Variants in CSMD2 observed in about 807,000 individuals in gnomAD.
CSMD2 encodes the protein CUB and Sushi multiple domains 2.
CSMD2 carries 130 observed loss-of-function variants against 398.5 expected under a neutral mutation model. The ratio of observed to expected loss-of-function variants is 0.33; its 90% CI spans 0.28 to 0.38. The LOEUF (loss-of-function observed/expected upper bound fraction) is 0.38, where lower values mean the gene tolerates loss of function less well. Ranked by LOEUF, CSMD2 falls within the 10% of genes least tolerant of loss-of-function variation. The pLI is 1.00. For missense variants in CSMD2, 3,829 were observed against 4,764.9 expected (o/e 0.80, Z 5.78); for synonymous variants, 1,828 against 1,908.5 (o/e 0.96, Z 1.10).
At chr1:34,010,986 T>G (rs143309814) in intron 3 of CSMD2, among the ~76,000 whole-genome samples, 15 of 152,258 alleles carry the variant, frequency 9.9e-5, no homozygotes, top group African/African-American at 3.4e-4. Context: ...TTTTCATCCT[T>G]TAGGTCTTTA....
intron 2 of CSMD2, among the ~76,000 whole-genome samples, chr1:34,081,825 G>T (rs563663985): frequency 6.6e-6 from 1 of 152,042 alleles, no homozygotes; most frequent in Non-Finnish European, 1.5e-5. Flanking sequence ...CCGCCACCCC[G>T]TCTAGGAAGT....
chr1:33,560,737 T>A (rs570743077), intron 53 of CSMD2, among the ~76,000 whole-genome samples: 1 of 152,322 alleles, frequency 6.6e-6, no homozygotes, highest in Non-Finnish European at 1.5e-5. Flanking sequence ...CTTCTGTATT[T>A]GTTTATTGCT....
intron 5 of CSMD2, among the ~76,000 whole-genome samples, chr1:33,889,753 C>CTGTGTGTGTGTG (rs55771161): frequency 0.015 from 2,218 of 148,144 alleles, 23 homozygotes; most frequent in African/African-American, 0.02. Context: ...ACCTCCTATC[C>CTGTGTGTGTGTG]TGTGTGTGTG....
intron 44 of CSMD2, among the ~76,000 whole-genome samples, chr1:33,590,367 G>A (rs1639353488): frequency 1.4e-5 from 2 of 146,486 alleles, no homozygotes; most frequent in Admixed American, 1.4e-4. Flanking sequence ...CAAACTCCTG[G>A]GCTCAAGTGA....
chr1:33,559,164 G>A lies in CSMD2; in HGVS notation c.8554+136C>T. 2.7e-6 allele frequency: 2 copies of A among 753,688 alleles called. No individual in the cohort carries two copies. Among genetic ancestry groups the A allele is most frequent in the Non-Finnish European group, 4.1e-6 (2 of 489,120 alleles). 46.7% of individuals were successfully genotyped at this position (753,688 alleles called of 1,614,324 possible). A position where few individuals can be genotyped will look rare whatever the true frequency, so the allele number is the denominator to read the frequency against. ...AAGGGTTGAGAAAGTCCTCATTTAT[G>A]ACCCTTCTCTGCTCCATCTTCCCTA... On this transcript the variant is annotated intron_variant, in intron 54 of 70. Coordinates refer to ENST00000373381, the MANE Select transcript of CSMD2 (RefSeq NM_001281956.2). The surrounding 1 kb of genome is among the most constrained non-coding windows in gnomAD (Gnocchi z 4.0).
intron 55 of CSMD2, among the ~76,000 whole-genome samples, chr1:33,557,096 C>T (rs906418507): frequency 6.6e-6 from 1 of 152,198 alleles, no homozygotes; most frequent in Non-Finnish European, 1.5e-5. Flanking sequence ...TTAATGTGGT[C>T]ATTGTTTATT....
At chr1:33,921,590 G>A (rs560792785) in intron 4 of CSMD2, among the ~76,000 whole-genome samples, 8 of 152,246 alleles carry the variant, frequency 5.3e-5, no homozygotes, top group African/African-American at 1.9e-4. Flanking sequence ...CATTTAGCCC[G>A]AACCTTCAAA....
chr1:33,693,113 A>T, intron 24 of CSMD2, 57 bp from the exon 25 acceptor site: 1 of 1,524,814 alleles, frequency 6.6e-7, no homozygotes, highest in South Asian at 1.3e-5. Context: ...GCCAGCAGTC[A>T]CTCAGTGGCT....
At chr1:33,570,572 T>G (rs1021685104) in intron 51 of CSMD2, among the ~76,000 whole-genome samples, 3 of 152,172 alleles carry the variant, frequency 2.0e-5, no homozygotes, top group African/African-American at 7.2e-5. Flanking sequence ...CTGTGACATC[T>G]GCATTGGTCA....
At chr1:34,069,872 A>G (rs1018287949) in intron 2 of CSMD2, among the ~76,000 whole-genome samples, 1 of 152,194 alleles carries the variant, frequency 6.6e-6, no homozygotes, top group African/African-American at 2.4e-5. Flanking sequence ...TGACCAGCCA[A>G]CAAACATTTG....
Position 33,633,435 on chromosome 1 carries a change from C to T in CSMD2, c.5187G>A (p.Ser1729=), listed in dbSNP as rs774168402. 26 of 1,551,964 alleles carry T rather than the reference C, an allele frequency of 1.7e-5. No individual in the cohort carries two copies. The highest frequency in any genetic ancestry group is 3.6e-5 in the South Asian group (3 of 84,098). ...AGCCCCGGATACCTGTATGGGAGCC[C>T]GAGAGGGAGCTGAGGAGCCGCGAGT... ...SQHSRLLSSL[S]GSHTGESLPL... Residue 1729 remains serine (S), a synonymous_variant, in exon 32 of 71, where the codon TCG becomes TCA. Transcript: ENST00000373381. The surrounding 1 kb of genome is among the most constrained non-coding windows in gnomAD (Gnocchi z 5.0).
chr1:33,786,766 G>T (rs1000987083), intron 12 of CSMD2, among the ~76,000 whole-genome samples: 5 of 152,110 alleles, frequency 3.3e-5, no homozygotes, highest in Non-Finnish European at 5.9e-5. Flanking sequence ...TCTGTCTGTT[G>T]TTCTGTCTTC....
intron 58 of CSMD2, among the ~76,000 whole-genome samples, chr1:33,541,561 G>A (rs1438656992): frequency 6.6e-6 from 1 of 152,100 alleles, no homozygotes; most frequent in Non-Finnish European, 1.5e-5. Flanking sequence ...CGAACTCCTG[G>A]GCTCATGCAA....
intron 2 of CSMD2, among the ~76,000 whole-genome samples, chr1:34,055,258 C>G (rs533520661): frequency 1.3e-5 from 2 of 152,246 alleles, no homozygotes; most frequent in Non-Finnish European, 2.9e-5. Flanking sequence ...ACACAGAATA[C>G]TTCTGTAACC....
At chr1:33,912,382 A>G (rs1293833325) in intron 5 of CSMD2, among the ~76,000 whole-genome samples, 1 of 150,706 alleles carries the variant, frequency 6.6e-6, no homozygotes, top group Admixed American at 6.6e-5. Context: ...ACGGGTGGAA[A>G]GGAGCTTTGG....
chr1:33,980,908 A>C (rs903825612), intron 3 of CSMD2, among the ~76,000 whole-genome samples: 1 of 152,216 alleles, frequency 6.6e-6, no homozygotes, highest in Non-Finnish European at 1.5e-5. Context: ...AGGGCCTGGC[A>C]TGTGCAAAGG....
chr1:33,598,235 C>T (rs1639969389), intron 44 of CSMD2, among the ~76,000 whole-genome samples: 1 of 152,188 alleles, frequency 6.6e-6, no homozygotes. Flanking sequence ...ATACATGTTA[C>T]ATACATTTTT....
Position 33,605,376 on chromosome 1 carries a change from C to T in CSMD2, c.6438G>A (p.Glu2146=), listed in dbSNP as rs749438026. The T allele has an allele frequency of 1.9e-6, 3 of 1,614,216 alleles. No homozygotes were observed. The highest frequency in any genetic ancestry group is 2.2e-5 in the South Asian group (2 of 91,080). The change falls in exon 42 of 71, where the codon GAG becomes GAA. Residue 2146 remains glutamate, a synonymous_variant. Coordinates refer to ENST00000373381, the MANE Select transcript of CSMD2 (RefSeq NM_001281956.2). The part of the protein sequence containing the change: ...GYNVGQSVTF[E]CLPGYQLTGH... Reference sequence around the variant, plus strand: ...CAGTCAATTGATACCCCGGGAGGCACTCGAAGGTCACTGATTGTCCCACGT... The same window carrying T: ...CAGTCAATTGATACCCCGGGAGGCATTCGAAGGTCACTGATTGTCCCACGT...
At chr1:33,872,963 C>T (rs1479310978) in intron 5 of CSMD2, among the ~76,000 whole-genome samples, 2 of 152,214 alleles carry the variant, frequency 1.3e-5, no homozygotes, top group Non-Finnish European at 2.9e-5. Context: ...ACCAGTGACG[C>T]CTTTGTTCCT....
Sources: gnomAD v4.1 joint callset for allele counts (sites outside exome capture counted in the v4.1 genomes callset) on GRCh38, gnomAD v4.1.1 for gene constraint, Gnocchi (gnomAD v3.1) non-coding constraint, MANE v1.5 for transcripts, NCBI Gene and HGNC (gene_info 2026-07-23, HGNC 2026-07-21) for gene names.